The following ARB2A variants were observed in gnomAD, a reference collection of about 807,000 sequenced individuals.
ARB2A encodes the protein cotranscriptional regulator ARB2A.
the ARB2A span, among the ~76,000 whole-genome samples, chr5:94,016,345 G>A: frequency 1.3e-5 from 2 of 152,182 alleles, no homozygotes; most frequent in Non-Finnish European, 2.9e-5. Flanking sequence ...GGCTAACTTA[G>A]GAGCTGTATC....
the ARB2A span, among the ~76,000 whole-genome samples, chr5:93,857,756 G>A: frequency 4.6e-5 from 7 of 152,130 alleles, no homozygotes; most frequent in South Asian, 2.1e-4. Context: ...GCAATGCCTC[G>A]TCCTGCTTCA....
the ARB2A span, among the ~76,000 whole-genome samples, chr5:93,939,410 T>C: frequency 1.3e-5 from 2 of 152,138 alleles, no homozygotes; most frequent in Non-Finnish European, 2.9e-5. Context: ...TTAAGTTGTG[T>C]CCTTTATTTC....
chr5:93,934,450 C>T, the ARB2A span, among the ~76,000 whole-genome samples: 2 of 152,078 alleles, frequency 1.3e-5, no homozygotes, highest in African/African-American at 2.4e-5. Flanking sequence ...ATTTTGTTCC[C>T]CTCCTTCCAT....
the ARB2A span, among the ~76,000 whole-genome samples, chr5:94,024,690 G>C: frequency 6.6e-6 from 1 of 152,136 alleles, no homozygotes; most frequent in Non-Finnish European, 1.5e-5. Flanking sequence ...ACAAAGGAGA[G>C]AGAGGTCATT....
At chr5:93,970,998 TC>T in the ARB2A span, among the ~76,000 whole-genome samples, 2 of 151,988 alleles carry the variant, frequency 1.3e-5, no homozygotes, top group Non-Finnish European at 2.9e-5. Flanking sequence ...AGATAAACTT[TC>T]GCTTTTTTTT....
the ARB2A span, among the ~76,000 whole-genome samples, chr5:94,047,296 A>T: frequency 6.6e-6 from 1 of 152,158 alleles, no homozygotes; most frequent in African/African-American, 2.4e-5. Context: ...GTTCGAGACC[A>T]GCCTGGCTAA....
the ARB2A span, among the ~76,000 whole-genome samples, chr5:93,933,414 A>C: frequency 6.6e-6 from 1 of 152,208 alleles, no homozygotes; most frequent in African/African-American, 2.4e-5. Flanking sequence ...AATGCCCATC[A>C]GTGATAGACT....
At chr5:93,668,399 C>A in the ARB2A span, among the ~76,000 whole-genome samples, 1 of 152,220 alleles carries the variant, frequency 6.6e-6, no homozygotes, top group Non-Finnish European at 1.5e-5. Context: ...AGCCACCATG[C>A]CTGGCTTGTT....
At chr5:93,871,317 T>C in the ARB2A span, among the ~76,000 whole-genome samples, 5 of 152,212 alleles carry the variant, frequency 3.3e-5, no homozygotes, top group African/African-American at 1.2e-4. Flanking sequence ...AAATGACCAA[T>C]GTATGATGTT....
At chr5:93,911,985 T>A in the ARB2A span, among the ~76,000 whole-genome samples, 5 of 151,688 alleles carry the variant, frequency 3.3e-5, no homozygotes, top group Non-Finnish European at 7.4e-5. Context: ...AACAAATAAT[T>A]ATATGAACAC....
the ARB2A span, among the ~76,000 whole-genome samples, chr5:93,970,262 C>T: frequency 6.6e-5 from 10 of 151,972 alleles, no homozygotes; most frequent in South Asian, 6.3e-4. Context: ...ATAGATGACA[C>T]GTAAATGCTA....
At chr5:94,011,995 A>C in the ARB2A span, among the ~76,000 whole-genome samples, 1 of 150,792 alleles carries the variant, frequency 6.6e-6, no homozygotes, top group East Asian at 2.0e-4. Context: ...GCGTTCAGAT[A>C]GGTAAAGGGA....
the ARB2A span, among the ~76,000 whole-genome samples, chr5:94,072,308 G>T: frequency 6.6e-6 from 1 of 151,866 alleles, no homozygotes; most frequent in African/African-American, 2.4e-5. Context: ...TGTGGTCATG[G>T]TTGCACAACA....
At chr5:94,087,233 A>C in the ARB2A span, among the ~76,000 whole-genome samples, 1 of 152,156 alleles carries the variant, frequency 6.6e-6, no homozygotes, top group Non-Finnish European at 1.5e-5. Context: ...TTTTAAGCTA[A>C]GTATTATTAC....
At chr5:94,051,156 G>T in the ARB2A span, among the ~76,000 whole-genome samples, 1 of 152,158 alleles carries the variant, frequency 6.6e-6, no homozygotes, top group African/African-American at 2.4e-5. Flanking sequence ...AAGAAGCTTA[G>T]AGGTTACCTG....
the ARB2A span, among the ~76,000 whole-genome samples, chr5:93,707,465 T>G: frequency 6.6e-6 from 1 of 152,096 alleles, no homozygotes; most frequent in East Asian, 1.9e-4. Flanking sequence ...ATTAAAAAAT[T>G]CATTATTTTT....
chr5:94,014,408 T>C, the ARB2A span, among the ~76,000 whole-genome samples: 11 of 152,080 alleles, frequency 7.2e-5, no homozygotes, highest in South Asian at 1.9e-3. Flanking sequence ...TCTAAGCAAA[T>C]ATATCAAATA....
chr5:93,667,478 C>A, the ARB2A span, among the ~76,000 whole-genome samples: 3 of 152,082 alleles, frequency 2.0e-5, no homozygotes, highest in African/African-American at 4.8e-5. Context: ...TGGGTGGGGG[C>A]AGAGTCTTGC....
the ARB2A span, among the ~76,000 whole-genome samples, chr5:93,810,927 C>T: frequency 1.3e-5 from 2 of 152,046 alleles, no homozygotes; most frequent in Non-Finnish European, 2.9e-5. Context: ...TTAGTTTCCT[C>T]ATATGTAAAC....
Sources: gnomAD v4.1 joint callset for allele counts (sites outside exome capture counted in the v4.1 genomes callset) on GRCh38, gnomAD v4.1.1 for gene constraint, MANE v1.5 for transcripts, NCBI Gene and HGNC (gene_info 2026-07-23, HGNC 2026-07-21) for gene names.